SHC3: variants seen among roughly 807,000 people sequenced by gnomAD.
The protein encoded by SHC3 is SHC-transforming protein 3.
Under a neutral mutation model 60.4 loss-of-function variants are expected in SHC3, and 15 were observed. The ratio of observed to expected loss-of-function variants is 0.25; its 90% CI spans 0.17 to 0.38. The LOEUF is 0.38. Ranked by LOEUF, SHC3 falls within the 10% of genes least tolerant of loss-of-function variation. The pLI is 1.00. For synonymous variants in SHC3, 294 were observed against 325.9 expected (o/e 0.90, Z 1.05); for missense variants, 677 against 786.1 (o/e 0.86, Z 1.66).
chr9:89,125,264 A>G (rs1329722298), intron 1 of SHC3, among the ~76,000 whole-genome samples: 1 of 152,150 alleles, frequency 6.6e-6, no homozygotes, highest in Admixed American at 6.5e-5. Context: ...TGTACGAGAC[A>G]TCTAAATTTC....
intron 2 of SHC3, among the ~76,000 whole-genome samples, chr9:89,089,862 G>A (rs1243683098): frequency 2.0e-5 from 3 of 152,198 alleles, no homozygotes; most frequent in Non-Finnish European, 4.4e-5. Flanking sequence ...CTTGGAGTGA[G>A]GAGTAGGAAG....
chr9:89,068,529 A>G (rs1825218742), intron 5 of SHC3, among the ~76,000 whole-genome samples: 1 of 152,230 alleles, frequency 6.6e-6, no homozygotes. Context: ...TATAAAATGC[A>G]TTTGGATTGG....
chr9:89,034,311 A>G (rs2117859003), intron 11 of SHC3, among the ~76,000 whole-genome samples: 1 of 152,362 alleles, frequency 6.6e-6, no homozygotes, highest in Admixed American at 6.5e-5. Flanking sequence ...GTAGGCATTC[A>G]GTATGTATTT....
intron 11 of SHC3, among the ~76,000 whole-genome samples, chr9:89,026,511 A>AACCAATGT (rs2118656126): frequency 6.6e-6 from 1 of 152,258 alleles, no homozygotes; most frequent in East Asian, 1.9e-4. Flanking sequence ...TTCTAGACCA[A>AACCAATGT]ACCAATGTAC....
At chr9:89,075,451 G>T (rs1360515803) in intron 3 of SHC3, among the ~76,000 whole-genome samples, 2 of 152,226 alleles carry the variant, frequency 1.3e-5, no homozygotes, top group Non-Finnish European at 2.9e-5. Context: ...ATATGCAAAT[G>T]CTGAGGTGAA....
intron 1 of SHC3, among the ~76,000 whole-genome samples, chr9:89,169,264 G>A (rs1189752266): frequency 1.3e-5 from 2 of 152,088 alleles, no homozygotes; most frequent in African/African-American, 2.4e-5. Flanking sequence ...CCCACCTGAG[G>A]ACTAGGAGGC....
At chr9:89,155,641 C>A (rs576195692) in intron 1 of SHC3, among the ~76,000 whole-genome samples, 22 of 152,242 alleles carry the variant, frequency 1.4e-4, no homozygotes, top group African/African-American at 5.3e-4. Context: ...TACCAGCTGC[C>A]GACTCTGGCC....
intron 2 of SHC3, among the ~76,000 whole-genome samples, chr9:89,095,911 C>A (rs1220099100): frequency 6.6e-6 from 1 of 152,122 alleles, no homozygotes; most frequent in Non-Finnish European, 1.5e-5. Context: ...TGAGCTAAGA[C>A]ACTTCCAAAC....
chr9:89,104,763 T>C (rs1345987582), intron 2 of SHC3, among the ~76,000 whole-genome samples: 5 of 152,274 alleles, frequency 3.3e-5, no homozygotes, highest in Admixed American at 6.5e-5. Context: ...CCTCTCACCC[T>C]CCAATCCAAC....
chr9:89,162,487 T>C (rs1587763832), intron 1 of SHC3, among the ~76,000 whole-genome samples: 1 of 152,120 alleles, frequency 6.6e-6, no homozygotes, highest in South Asian at 2.1e-4. Context: ...AAACAAGCAA[T>C]GGGGAAAGGA....
rs1226586315 is a variant in SHC3 at position 89,027,892 on chromosome 9, G to A, written c.1656+10101C>T. On this transcript the variant is annotated intron_variant, in intron 11 of 11. Coordinates refer to ENST00000375835, the MANE Select transcript of SHC3 (RefSeq NM_016848.6). The stretch of plus-strand genomic sequence containing the variant: ...CCTTGCAACAGTGGGAAGGAGGGCA[G>A]CCAGGCTGCAGAAAGACCACTCCTC... Among the ~76,000 whole-genome samples the A allele has an allele frequency of 1.2e-4, 19 of 152,242 alleles. 1 individual carries two copies. The highest frequency in any genetic ancestry group is 2.9e-5 in the Non-Finnish European group (2 of 68,034).
At chr9:89,171,234 AT>A (rs5899068) in intron 1 of SHC3, among the ~76,000 whole-genome samples, 100,296 of 150,304 alleles carry the variant, frequency 0.67, 33,633 homozygotes, top group East Asian at 0.98. Flanking sequence ...CCATATTTTG[AT>A]TTTTTTTTTT....
chr9:89,022,301 A>T (rs547720978), intron 11 of SHC3, among the ~76,000 whole-genome samples: 1 of 152,178 alleles, frequency 6.6e-6, no homozygotes, highest in Admixed American at 6.5e-5. Context: ...GGAGGGGGGA[A>T]ATTCCTACAG....
chr9:89,143,694 G>A (rs373740821), intron 1 of SHC3, among the ~76,000 whole-genome samples: 1 of 152,146 alleles, frequency 6.6e-6, no homozygotes, highest in African/African-American at 2.4e-5. Flanking sequence ...AGGAGAACTG[G>A]TTGGTCAGAG....
intron 1 of SHC3, among the ~76,000 whole-genome samples, chr9:89,123,574 C>A (rs1826121373): frequency 6.6e-6 from 1 of 152,136 alleles, no homozygotes; most frequent in African/African-American, 2.4e-5. Flanking sequence ...GTGTGTGATC[C>A]CAGCCAAGCC....
At chr9:89,027,867 C>A (rs1377014135) in intron 11 of SHC3, among the ~76,000 whole-genome samples, 1 of 152,096 alleles carries the variant, frequency 6.6e-6, no homozygotes, top group Non-Finnish European at 1.5e-5. Context: ...GGAGAGGGAC[C>A]CTTGCAACAG....
intron 3 of SHC3, among the ~76,000 whole-genome samples, chr9:89,076,705 G>A (rs949468315): frequency 5.9e-5 from 9 of 151,962 alleles, no homozygotes; most frequent in Non-Finnish European, 1.2e-4. Flanking sequence ...TTTCCCCTCC[G>A]TTCACAGTTG....
chr9:89,066,170 C>G (rs1825177642), intron 5 of SHC3, among the ~76,000 whole-genome samples: 2 of 152,114 alleles, frequency 1.3e-5, no homozygotes, highest in Non-Finnish European at 2.9e-5. Context: ...AAGCCATACC[C>G]CCGAGTTTCT....
chr9:89,113,339 T>C (rs1436799917), intron 1 of SHC3, among the ~76,000 whole-genome samples: 1 of 152,080 alleles, frequency 6.6e-6, no homozygotes, highest in Non-Finnish European at 1.5e-5. Flanking sequence ...TTCCAAAGCC[T>C]TTGGGGAGTT....
Sources: allele counts gnomAD v4.1 joint callset (sites outside exome capture counted in the v4.1 genomes callset), GRCh38; gene constraint gnomAD v4.1.1; transcripts MANE v1.5; gene names NCBI Gene and HGNC (gene_info 2026-07-23, HGNC 2026-07-21).